Variants in SNED1 observed in about 807,000 individuals in gnomAD.
SNED1 encodes sushi, nidogen and EGF-like domain-containing protein 1.
A neutral mutation model predicts 166.7 loss-of-function variants in SNED1; 81 were observed. That is an observed-to-expected ratio of 0.49 (90% CI 0.41 to 0.58). SNED1 has a LOEUF of 0.58. SNED1 is among the 20% of genes least tolerant of loss of function. The pLI is 0.00. For missense variants in SNED1, 1,604 were observed against 2,000.2 expected (o/e 0.80, Z 3.78); for synonymous variants, 762 against 822.0 (o/e 0.93, Z 1.25).
chr2:241,051,835 C>G lies in SNED1; in HGVS notation c.1827C>G (p.Arg609=). 6.4e-7 allele frequency: 1 copy of G among 1,561,234 alleles called. No individual in the cohort carries two copies. Among genetic ancestry groups the G allele is most frequent in the Non-Finnish European group, 8.7e-7 (1 of 1,153,430 alleles). ...GGEYHCSCPY[R]FTGRHCEIGK... is the part of the protein sequence containing the mutation. ...AGTACCACTGCAGCTGCCCCTACCG[C>G]TTCACTGGGAGGCACTGTGAGATCG... The change falls in exon 13 of 32, where the codon CGC becomes CGG. Residue 609 remains arginine (R), a synonymous_variant. Coordinates refer to ENST00000310397, the MANE Select transcript of SNED1 (RefSeq NM_001080437.3). The surrounding 1 kb of genome is among the most constrained non-coding windows in gnomAD (Gnocchi z 4.7).
At chr2:241,005,645 T>G (rs549605371) in intron 1 of SNED1, among the ~76,000 whole-genome samples, 1 of 152,300 alleles carries the variant, frequency 6.6e-6, no homozygotes, top group East Asian at 1.9e-4. Context: ...GAAAGATAGC[T>G]CTGCTGGGTG....
chr2:241,044,289 C>CTA (rs1235455467), intron 8 of SNED1, among the ~76,000 whole-genome samples: 6 of 152,158 alleles, frequency 3.9e-5, no homozygotes, highest in South Asian at 2.1e-4. Context: ...CAATACCCAA[C>CTA]TATATGCTGT....
chr2:241,030,600 G>A, intron 2 of SNED1, 29 bp downstream of exon 2: 1 of 1,606,664 alleles, frequency 6.2e-7, no homozygotes, highest in Non-Finnish European at 8.5e-7. Flanking sequence ...CCTGGGGAGG[G>A]TGGGTGTGTG....
At chr2:241,076,862 C>T (rs574902489) in intron 27 of SNED1, among the ~76,000 whole-genome samples, 29 of 152,260 alleles carry the variant, frequency 1.9e-4, no homozygotes, top group African/African-American at 5.5e-4. Flanking sequence ...GAGGCCGAGG[C>T]GGGCGGATCA....
At chr2:241,015,450 C>A (rs1574872542) in intron 1 of SNED1, 2 of 152,208 alleles carry the variant, frequency 1.3e-5, no homozygotes, top group East Asian at 3.9e-4. Flanking sequence ...CATTTTCTAA[C>A]TTTATATCCA....
intron 10 of SNED1, 73 bp downstream of exon 10, chr2:241,048,839 G>A: frequency 7.4e-7 from 1 of 1,354,930 alleles, no homozygotes; most frequent in East Asian, 2.5e-5. Flanking sequence ...GGTGGCTTCG[G>A]CCGGGGTCCG....
chr2:241,087,766 T>C, intron 30 of SNED1: 1 of 1,148,190 alleles, frequency 8.7e-7, no homozygotes, highest in Non-Finnish European at 1.1e-6. Flanking sequence ...GCACAGGGTG[T>C]TACGGACAGC....
intron 1 of SNED1, among the ~76,000 whole-genome samples, chr2:241,009,285 C>G (rs1265443258): frequency 6.6e-6 from 1 of 152,108 alleles, no homozygotes; most frequent in East Asian, 1.9e-4. Flanking sequence ...GAGGCAGCAG[C>G]CCAGGCTGGA....
At chr2:241,004,153 G>A (rs1412068398) in intron 1 of SNED1, among the ~76,000 whole-genome samples, 1 of 152,242 alleles carries the variant, frequency 6.6e-6, no homozygotes, top group Non-Finnish European at 1.5e-5. Context: ...GAAGAAAGGA[G>A]ATGTATATAG....
chr2:241,040,817 T>C lies in SNED1; in HGVS notation c.1273+404T>C, dbSNP rs141617020. 4,298 of 474,334 alleles carry C rather than the reference T, an allele frequency of 9.1e-3. 24 individuals are homozygous for C. Among genetic ancestry groups the C allele is most frequent in the Non-Finnish European group, 0.013 (2,933 of 229,394 alleles). 29.4% of individuals were successfully genotyped at this position (474,334 alleles called of 1,614,324 possible). ...AGAACCCTCAGCACACAAGGGAAAG[T>C]AACGGGAATCAGAAAGAAAACTGAC... On this transcript the variant is annotated intron_variant, in intron 8 of 31. Coordinates refer to ENST00000310397, the MANE Select transcript of SNED1 (RefSeq NM_001080437.3).
intron 30 of SNED1, chr2:241,087,996 A>G: frequency 5.1e-6 from 2 of 394,776 alleles, no homozygotes; most frequent in Non-Finnish European, 4.5e-6. Context: ...CTTGTTTGGC[A>G]TTACCAAGTG....
intron 15 of SNED1, among the ~76,000 whole-genome samples, 155 bp from the exon 16 acceptor site, chr2:241,052,998 A>G (rs2061926650): frequency 6.6e-6 from 1 of 152,146 alleles, no homozygotes; most frequent in Non-Finnish European, 1.5e-5. Context: ...TATCACGGCA[A>G]CCAGGCCCCA....
chr2:241,025,542 C>G (rs774057050), intron 1 of SNED1, among the ~76,000 whole-genome samples: 1 of 151,978 alleles, frequency 6.6e-6, no homozygotes, highest in Admixed American at 6.6e-5. Flanking sequence ...TTTTTTACAC[C>G]ATTTCATAAG....
intron 16 of SNED1, among the ~76,000 whole-genome samples, chr2:241,058,949 C>CA (rs761376815): frequency 0.024 from 3,129 of 130,814 alleles, 80 homozygotes; most frequent in African/African-American, 0.076. Flanking sequence ...GACTCTGTTT[C>CA]AAAAAAAAAA....
intron 8 of SNED1, among the ~76,000 whole-genome samples, chr2:241,048,038 C>G (rs921158915): frequency 2.6e-5 from 4 of 151,916 alleles, no homozygotes; most frequent in Admixed American, 2.0e-4. Context: ...CTTGTTCTGT[C>G]CAATCCTGGG....
At chr2:241,079,584 C>G (rs1263445900) in intron 27 of SNED1, among the ~76,000 whole-genome samples, 3 of 152,032 alleles carry the variant, frequency 2.0e-5, no homozygotes, top group African/African-American at 7.3e-5. Context: ...GACTGGAGAT[C>G]GGCGAGGCTT....
chr2:241,037,010 C>G (rs978345694), intron 5 of SNED1, 95 bp downstream of exon 5: 1 of 1,446,840 alleles, frequency 6.9e-7, no homozygotes, highest in African/African-American at 1.4e-5. Context: ...CGCCCAGGGT[C>G]CCAGGTCAGG....
intron 17 of SNED1, 138 bp downstream of exon 17, chr2:241,063,042 C>G (rs1245776472): frequency 3.3e-6 from 2 of 608,462 alleles, no homozygotes; most frequent in East Asian, 5.5e-5. Flanking sequence ...CCTGCCAGCT[C>G]TGACATCCAA....
intron 8 of SNED1, among the ~76,000 whole-genome samples, chr2:241,042,459 A>G (rs2125051470): frequency 1.3e-5 from 2 of 152,336 alleles, no homozygotes; most frequent in East Asian, 3.9e-4. Flanking sequence ...GAGTATATCA[A>G]TAATACAACA....
Sources: gnomAD v4.1 joint callset for allele counts (sites outside exome capture counted in the v4.1 genomes callset) on GRCh38, gnomAD v4.1.1 for gene constraint, Gnocchi (gnomAD v3.1) non-coding constraint, MANE v1.5 for transcripts, NCBI Gene and HGNC (gene_info 2026-07-23, HGNC 2026-07-21) for gene names.